SNCAIP: variants seen among roughly 807,000 people sequenced by gnomAD.
The protein encoded by SNCAIP is synuclein alpha interacting protein.
In SNCAIP, 43 loss-of-function variants were observed where a neutral mutation model predicts 86.7. That is an observed-to-expected ratio of 0.50 (90% CI 0.39 to 0.64). The LOEUF (loss-of-function observed/expected upper bound fraction) is 0.64, where lower values mean the gene tolerates loss of function less well. SNCAIP is among the 30% of genes least tolerant of loss of function. The pLI is 0.00. For synonymous variants in SNCAIP, 417 were observed against 427.2 expected (o/e 0.98, Z 0.29); for missense variants, 981 against 1,103.1 (o/e 0.89, Z 1.57).
chr5:122,314,831 T>G (rs1268651554), intron 1 of SNCAIP, among the ~76,000 whole-genome samples: 2 of 152,250 alleles, frequency 1.3e-5, no homozygotes, highest in East Asian at 1.9e-4. Context: ...GGGAAAGTAC[T>G]AATTGATTCC....
chr5:122,345,089 C>T (rs1233549117), intron 1 of SNCAIP, among the ~76,000 whole-genome samples: 1 of 152,132 alleles, frequency 6.6e-6, no homozygotes, highest in Non-Finnish European at 1.5e-5. Flanking sequence ...CTCTTCAGGC[C>T]GTGTACTGAC....
At chr5:122,321,644 A>C (rs1253168737) in intron 1 of SNCAIP, 1 of 152,192 alleles carries the variant, frequency 6.6e-6, no homozygotes, top group Non-Finnish European at 1.5e-5. Context: ...AAGGAGGGAT[A>C]ACTGTAACTC....
chr5:122,431,530 C>T (rs957644937), intron 5 of SNCAIP, among the ~76,000 whole-genome samples: 1 of 152,060 alleles, frequency 6.6e-6, no homozygotes, highest in Non-Finnish European at 1.5e-5. Flanking sequence ...ACAGAAATCT[C>T]ATCAGTGGTT....
At chr5:122,386,562 C>T (rs1275335100) in intron 1 of SNCAIP, among the ~76,000 whole-genome samples, 1 of 152,170 alleles carries the variant, frequency 6.6e-6, no homozygotes, top group Non-Finnish European at 1.5e-5. Context: ...TTCTGAAAGC[C>T]GGGCATCAGT....
In SNCAIP at chr5:122,423,013, T is replaced by C. The variant is rs751055164; in HGVS notation, c.276T>C (p.Asn92=). The C allele has an allele frequency of 6.2e-7, 1 of 1,613,952 alleles. No homozygotes were observed. The highest frequency in any genetic ancestry group is 8.5e-7 in the Non-Finnish European group (1 of 1,179,974). ...ATCAGCCAGAGACTCTGGAGAACAA[T>C]GAAAGTGATGACCAAAAGAACCAGA... is the stretch of plus-strand genomic sequence containing the variant. ...LKHQPETLEN[N]ESDDQKNQKV... The change falls in exon 4 of 11, where the codon AAT becomes AAC. Residue 92 remains asparagine, a synonymous_variant. Coordinates refer to ENST00000261368, the MANE Select transcript of SNCAIP (RefSeq NM_005460.4).
chr5:122,415,244 C>T (rs991974235), intron 3 of SNCAIP, among the ~76,000 whole-genome samples: 1 of 152,154 alleles, frequency 6.6e-6, no homozygotes, highest in Non-Finnish European at 1.5e-5. Context: ...GAGTTCAGGC[C>T]ATGGTAGGAG....
chr5:122,364,456 A>G (rs1447123159), intron 1 of SNCAIP, among the ~76,000 whole-genome samples: 1 of 152,234 alleles, frequency 6.6e-6, no homozygotes, highest in East Asian at 1.9e-4. Context: ...GGTGTGAGCC[A>G]CTGTGCCCAG....
intron 1 of SNCAIP, among the ~76,000 whole-genome samples, chr5:122,339,665 G>A (rs998432089): frequency 1.0e-5 from 1 of 99,602 alleles, no homozygotes. Context: ...CTGATCATTT[G>A]TCTGTCTGAT....
chr5:122,339,993 T>C (rs1176818910), intron 1 of SNCAIP, among the ~76,000 whole-genome samples: 13 of 152,122 alleles, frequency 8.5e-5, no homozygotes, highest in Non-Finnish European at 2.9e-5. Flanking sequence ...ATATAATCTA[T>C]AAAAAAATGG....
At chr5:122,336,088 T>C (rs547668995) in intron 1 of SNCAIP, among the ~76,000 whole-genome samples, 1 of 152,294 alleles carries the variant, frequency 6.6e-6, no homozygotes, top group Admixed American at 6.5e-5. Flanking sequence ...GGAGGCCTTC[T>C]TCTACAGACA....
chr5:122,383,139 C>T (rs1325201077), intron 1 of SNCAIP, among the ~76,000 whole-genome samples: 2 of 152,210 alleles, frequency 1.3e-5, no homozygotes, highest in Non-Finnish European at 2.9e-5. Context: ...CCTCCCCCAG[C>T]CTCGCTGCAG....
intron 9 of SNCAIP, 80 bp from the exon 10 acceptor site, chr5:122,450,453 G>T: frequency 1.1e-6 from 1 of 923,108 alleles, no homozygotes; most frequent in Admixed American, 1.7e-5. Context: ...CATTATTAGT[G>T]TCAGTAAAGA....
chr5:122,402,295 T>C (rs868297113), intron 2 of SNCAIP, among the ~76,000 whole-genome samples: 4 of 152,084 alleles, frequency 2.6e-5, no homozygotes, highest in Non-Finnish European at 4.4e-5. Flanking sequence ...AAAAATGCCT[T>C]GTGTACCTGT....
chr5:122,425,869 C>T (rs1376139522), intron 5 of SNCAIP, among the ~76,000 whole-genome samples: 1 of 152,166 alleles, frequency 6.6e-6, no homozygotes, highest in Non-Finnish European at 1.5e-5. Context: ...CAATAATGAG[C>T]AAGACGAATG....
Position 122,451,330 on chromosome 5 carries a change from C to G in SNCAIP, c.2483C>G (p.Pro828Arg). 1 of 1,614,128 alleles carries G rather than the reference C, an allele frequency of 6.2e-7. No homozygotes were observed. The highest frequency in any genetic ancestry group is 8.5e-7 in the Non-Finnish European group (1 of 1,180,030). The part of the protein sequence containing the change: ...FEEPVVQMEQ[P>R]SLELNGEKDK... Reference sequence around the variant, plus strand: ...GAGCCTGTGGTGCAGATGGAGCAGCCTAGCCTTGAACTGAATGGAGAAAAA... The same window carrying G: ...GAGCCTGTGGTGCAGATGGAGCAGCGTAGCCTTGAACTGAATGGAGAAAAA... Residue 828 changes from proline to arginine, a missense_variant, in exon 10 of 11, where the codon CCT becomes CGT. Transcript: ENST00000261368.
intron 8 of SNCAIP, among the ~76,000 whole-genome samples, chr5:122,446,362 TTC>T (rs1782313584): frequency 6.6e-6 from 1 of 152,246 alleles, no homozygotes; most frequent in Non-Finnish European, 1.5e-5. Flanking sequence ...GGAATGTTTT[TTC>T]TAAAGGTTCA....
At chr5:122,442,915 A>T (rs6875623) in intron 7 of SNCAIP, among the ~76,000 whole-genome samples, 275 of 152,282 alleles carry the variant, frequency 1.8e-3, no homozygotes, top group African/African-American at 6.2e-3. Flanking sequence ...TTTAAAGAAA[A>T]AAAAAGATAA....
At chr5:122,421,599 C>T (rs1345739604) in intron 3 of SNCAIP, among the ~76,000 whole-genome samples, 2 of 152,184 alleles carry the variant, frequency 1.3e-5, no homozygotes, top group Non-Finnish European at 2.9e-5. Flanking sequence ...CACACATACA[C>T]ATGCTTCCCA....
At chr5:122,328,357 C>T (rs759641142) in intron 1 of SNCAIP, among the ~76,000 whole-genome samples, 3 of 152,166 alleles carry the variant, frequency 2.0e-5, no homozygotes, top group Admixed American at 6.5e-5. Context: ...AGTCTGCACC[C>T]GCAAAGTAAA....
Sources: gnomAD v4.1 joint callset for allele counts (sites outside exome capture counted in the v4.1 genomes callset) on GRCh38, gnomAD v4.1.1 for gene constraint, MANE v1.5 for transcripts, NCBI Gene and HGNC (gene_info 2026-07-23, HGNC 2026-07-21) for gene names.